WRN: variants seen among roughly 807,000 people sequenced by gnomAD.
WRN encodes bifunctional 3'-5' exonuclease/ATP-dependent helicase WRN.
Under a neutral mutation model 180.7 loss-of-function variants are expected in WRN, and 149 were observed. The ratio of observed to expected loss-of-function variants is 0.82; its 90% CI spans 0.72 to 0.94. The LOEUF (loss-of-function observed/expected upper bound fraction) is 0.94, where lower values mean the gene tolerates loss of function less well. WRN is among the 40% of genes least tolerant of loss of function. The pLI, the probability that WRN is intolerant of heterozygous loss-of-function variation, is 0.00. For missense variants in WRN, 1,661 were observed against 1,700.1 expected (o/e 0.98, Z 0.40); for synonymous variants, 548 against 568.9 (o/e 0.96, Z 0.52).
intron 23 of WRN, among the ~76,000 whole-genome samples, chr8:31,125,488 A>C (rs1388949433): frequency 1.7e-4 from 24 of 139,762 alleles, no homozygotes; most frequent in Non-Finnish European, 2.3e-4. Context: ...CATTTCACCA[A>C]TGTATCAGTC....
At chr8:31,106,557 G>T (rs1366489253) in intron 18 of WRN, among the ~76,000 whole-genome samples, 3 of 151,878 alleles carry the variant, frequency 2.0e-5, no homozygotes, top group Non-Finnish European at 2.9e-5. Context: ...TGGGCTTTGC[G>T]CCTGCTGCTT....
intron 19 of WRN, among the ~76,000 whole-genome samples, chr8:31,112,614 T>G: frequency 6.6e-6 from 1 of 151,774 alleles, no homozygotes; most frequent in East Asian, 2.0e-4. Flanking sequence ...TGAGACAGTG[T>G]CTTGCTCTGT....
chr8:31,043,142 C>G (rs1303498139), intron 1 of WRN, among the ~76,000 whole-genome samples: 2 of 152,114 alleles, frequency 1.3e-5, no homozygotes, highest in Admixed American at 1.3e-4. Flanking sequence ...TATTCTTGGC[C>G]CTCTTCTATG....
intron 22 of WRN, 28 bp downstream of exon 22, chr8:31,124,651 G>A: frequency 1.3e-6 from 2 of 1,558,458 alleles, no homozygotes; most frequent in South Asian, 1.1e-5. Context: ...TATGCCAATA[G>A]TATGGATTTA....
At chr8:31,119,939 A>T (rs1178784595) in intron 20 of WRN, 1 of 324,788 alleles carries the variant, frequency 3.1e-6, no homozygotes, top group Admixed American at 4.5e-5. Flanking sequence ...TTATAATGCA[A>T]AAGTTTTCTT....
rs150018704 is a variant in WRN, at chr8:31,070,262, A to C, written c.724+1935A>C. Among the ~76,000 whole-genome samples, 808 of 151,776 alleles carry C rather than the reference A, an allele frequency of 5.3e-3. 5 individuals carry two copies. Among genetic ancestry groups the C allele is most frequent in the Middle Eastern group, 0.014 (4 of 292 alleles). ...TTTCTGTTATTCAGCCAGAAGTATC[A>C]GCATCACTGTTCTCTTATTTTCTTC... On this transcript the variant is annotated intron_variant, in intron 7 of 34. Coordinates refer to ENST00000298139, the MANE Select transcript of WRN (RefSeq NM_000553.6).
chr8:31,137,654 A>G (rs1479636721), intron 24 of WRN, among the ~76,000 whole-genome samples: 2 of 152,214 alleles, frequency 1.3e-5, no homozygotes, highest in African/African-American at 4.8e-5. Flanking sequence ...AGAGATAAAA[A>G]TGAATATACC....
In WRN at chr8:31,175,412, C is replaced by A. The variant is rs762321522; in HGVS notation, c.*2310C>A. Among the ~76,000 whole-genome samples, 4 of 151,930 alleles carry A rather than the reference C, an allele frequency of 2.6e-5. No homozygotes were observed. Among genetic ancestry groups the A allele is most frequent in the African/African-American group, 7.3e-5 (3 of 41,358 alleles). On this transcript the variant is annotated 3_prime_UTR_variant, in exon 35 of 35. Transcript: ENST00000298139. ...ACTGCGCCACTGCACCCCAGCCTGG[C>A]GACAGAGCAAGACTCCGTCTCAAAA...
rs780657433 is a variant in WRN, at chr8:31,096,811, G to C, written c.1942G>C (p.Gly648Arg). The change falls in exon 17 of 35, where the codon GGT becomes CGT. Residue 648 changes from glycine (G) to arginine (R), a missense_variant. This residue lies in a region of WRN where 1,141 missense variants were observed against 1,149.4 expected (regional missense o/e 0.99). Coordinates refer to ENST00000298139, the MANE Select transcript of WRN (RefSeq NM_000553.6). ...IVYVTPEYCS[G>R]NMGLLQQLEA... is the part of the protein sequence containing the mutation. Reference sequence around the variant, plus strand: ...ATACGTAACTCCAGAATACTGTTCAGGTAACATGGGCCTGCTCCAGCAACT... The same window carrying C: ...ATACGTAACTCCAGAATACTGTTCACGTAACATGGGCCTGCTCCAGCAACT... 1.2e-6 allele frequency: 2 copies of C among 1,612,368 alleles called. No individual in the cohort carries two copies. Among genetic ancestry groups the C allele is most frequent in the South Asian group, 2.2e-5 (2 of 91,036 alleles).
At chr8:31,056,029 G>C (rs1030665352) in intron 1 of WRN, among the ~76,000 whole-genome samples, 1 of 152,150 alleles carries the variant, frequency 6.6e-6, no homozygotes, top group Admixed American at 6.5e-5. Flanking sequence ...TTGCCTGGAA[G>C]TATCTAGATA....
At position 31,076,201 on chromosome 8, in the gene WRN, C is replaced by G. The variant is rs1043742771; in HGVS notation, c.753C>G (p.Asn251Lys). 6 of 1,613,650 alleles carry G rather than the reference C, an allele frequency of 3.7e-6. No homozygotes were observed. The highest frequency in any genetic ancestry group is 3.3e-5 in the Admixed American group (2 of 59,984). The change falls in exon 8 of 35, where the codon AAC becomes AAG. Residue 251 changes from asparagine (N) to lysine (K), a missense_variant. Around this residue, in one of 3 missense-constraint regions of WRN, gnomAD observed 500 missense variants for 504.1 expected, o/e 0.99. Coordinates refer to ENST00000298139, the MANE Select transcript of WRN (RefSeq NM_000553.6). ...KEEEILLSDM[N>K]KQLTSISEEV... ...AAGAAATCCTACTTAGCGACATGAA[C>G]AAACAGTTGACTTCAATCTCTGAGG...
intron 2 of WRN, 111 bp downstream of exon 2, chr8:31,058,654 C>CACCAGGTCAAGT: frequency 1.8e-6 from 2 of 1,125,280 alleles, no homozygotes. Flanking sequence ...GTCAGAGTTG[C>CACCAGGTCAAGT]TGTTGTCTAA....
intron 1 of WRN, among the ~76,000 whole-genome samples, chr8:31,052,773 CTTAA>C (rs1429065121): frequency 2.0e-5 from 3 of 152,116 alleles, no homozygotes; most frequent in Non-Finnish European, 2.9e-5. Context: ...ATGTACCATA[CTTAA>C]TTATTTAGTC....
At chr8:31,164,358 A>G (rs1280553910) in intron 33 of WRN, among the ~76,000 whole-genome samples, 2 of 152,230 alleles carry the variant, frequency 1.3e-5, no homozygotes, top group Non-Finnish European at 2.9e-5. Context: ...AACTGTAGCC[A>G]TGCCACAATA....
chr8:31,118,865 T>A (rs912163463), intron 20 of WRN, among the ~76,000 whole-genome samples: 1 of 151,914 alleles, frequency 6.6e-6, no homozygotes, highest in Non-Finnish European at 1.5e-5. Flanking sequence ...ATGCCTTGAG[T>A]CCTTTCTTTT....
At chr8:31,036,366 C>T (rs1057244992) in intron 1 of WRN, among the ~76,000 whole-genome samples, 3 of 152,142 alleles carry the variant, frequency 2.0e-5, no homozygotes, top group African/African-American at 4.8e-5. Flanking sequence ...ATTTCATTTC[C>T]CTTGAATATA....
intron 17 of WRN, among the ~76,000 whole-genome samples, chr8:31,097,874 G>C (rs1198572160): frequency 1.3e-5 from 2 of 152,032 alleles, no homozygotes; most frequent in Non-Finnish European, 2.9e-5. Context: ...CCCACCTTCA[G>C]TTGGCCTAAC....
rs1161848220 is a variant in WRN, at chr8:31,173,100, T to G, written c.4297T>G (p.Ter1433GluextTer17). The change falls in exon 35 of 35, where the codon TAA becomes GAA. Residue 1433 changes from the stop codon to glutamate (E), a stop_lost. Transcript: ENST00000298139. The stretch of plus-strand genomic sequence containing the variant: ...AACGAAAAGGGGAGGTCTTTTTAGT[T>G]AAGCTGGCAATTACCAGAACAATTA... ...DKTKRGGLFS[*>E] is the part of the protein sequence containing the mutation. The G allele has an allele frequency of 4.3e-6, 7 of 1,613,154 alleles. No homozygotes were observed. The highest frequency in any genetic ancestry group is 8.5e-7 in the Non-Finnish European group (1 of 1,179,204).
intron 16 of WRN, 45 bp downstream of exon 16, chr8:31,091,943 G>C: frequency 6.4e-7 from 1 of 1,569,934 alleles, no homozygotes; most frequent in Non-Finnish European, 8.8e-7. Context: ...ATTTATGGGG[G>C]TGCATATGCA....
Sources: gnomAD v4.1 joint callset for allele counts (sites outside exome capture counted in the v4.1 genomes callset) on GRCh38, gnomAD v4.1.1 for gene constraint, gnomAD v4.1.1 regional missense constraint, MANE v1.5 for transcripts, NCBI Gene and HGNC (gene_info 2026-07-23, HGNC 2026-07-21) for gene names.